The following SUGP2 variants were observed in gnomAD, a reference collection of about 807,000 sequenced individuals.
SUGP2 encodes SURP and G-patch domain containing 2, also known as SURP and G-patch domain-containing protein 2.
In SUGP2, 24 loss-of-function variants were observed where a neutral mutation model predicts 90.5. The observed-to-expected ratio is 0.27, with a 90% CI of 0.19 to 0.37. The LOEUF is 0.37. Among genes scored for constraint, SUGP2 ranks in the 10% least tolerant of loss-of-function variants. The probability of loss-of-function intolerance (pLI) is 1.00; values close to 1 mark genes in which losing one functional copy is unlikely to be tolerated. For synonymous variants in SUGP2, 473 were observed against 513.4 expected (o/e 0.92, Z 1.06); for missense variants, 1,233 against 1,363.3 (o/e 0.90, Z 1.51).
chr19:19,000,689 A>G, intron 8 of SUGP2, among the ~76,000 whole-genome samples: 1 of 150,864 alleles, frequency 6.6e-6, no homozygotes, highest in East Asian at 2.0e-4. Context: ...GGCGTGAATC[A>G]GTGCACCTGG....
chr19:19,013,509 C>T (rs1273136264), intron 4 of SUGP2, among the ~76,000 whole-genome samples: 1 of 152,108 alleles, frequency 6.6e-6, no homozygotes, highest in East Asian at 1.9e-4. Flanking sequence ...TATTTTGTAT[C>T]AATATCCAGA....
chr19:19,011,232 C>G (rs1045623411), intron 4 of SUGP2, among the ~76,000 whole-genome samples: 1 of 151,834 alleles, frequency 6.6e-6, no homozygotes, highest in East Asian at 1.9e-4. Flanking sequence ...ACCGCAGCCT[C>G]GACCTTCTGG....
chr19:18,994,459 C>T lies in SUGP2; in HGVS notation c.3156G>A (p.Leu1052=). ...CTTTGTGCTCCTGCCCGTCAGCACC[C>T]AACCCTTCCCCTTCCGAGGGGGTTC... ...SVGTPSEGEG[L]GADGQEHKED... The change falls in exon 10 of 11, where the codon TTG becomes TTA. Residue 1052 remains leucine, a synonymous_variant. Transcript: ENST00000452918. The T allele has an allele frequency of 6.2e-7, 1 of 1,614,192 alleles. No homozygotes were observed. Among genetic ancestry groups the T allele is most frequent in the East Asian group, 2.2e-5 (1 of 44,874 alleles).
chr19:19,007,826 C>A (rs1438126470), intron 6 of SUGP2, among the ~76,000 whole-genome samples: 2 of 141,428 alleles, frequency 1.4e-5, no homozygotes, highest in Non-Finnish European at 3.0e-5. Flanking sequence ...GTGGCTCAAT[C>A]TCAGCTCACT....
intron 8 of SUGP2, among the ~76,000 whole-genome samples, chr19:18,997,782 C>CAAAAAAAAA (rs35875282): frequency 2.2e-4 from 19 of 88,162 alleles, no homozygotes; most frequent in South Asian, 4.2e-4. Flanking sequence ...GACTCCGTCT[C>CAAAAAAAAA]AAAAAAAAAA....
At chr19:19,008,279 AAAG>A in intron 6 of SUGP2, 35 bp downstream of exon 6, 1 of 1,509,054 alleles carries the variant, frequency 6.6e-7, no homozygotes, top group Non-Finnish European at 9.2e-7. Flanking sequence ...TCTCTCTGAG[AAAG>A]AAAAAGGTGT....
intron 6 of SUGP2, among the ~76,000 whole-genome samples, chr19:19,004,919 A>C (rs886173522): frequency 4.6e-5 from 7 of 152,208 alleles, no homozygotes; most frequent in Non-Finnish European, 8.8e-5. Context: ...GGGCTTGGGA[A>C]AATGCTGGAA....
At position 18,991,043 on chromosome 19, in the gene SUGP2, C is replaced by G. The variant is rs1478659389; in HGVS notation, c.*2698G>C. The G allele has an allele frequency of 6.6e-6, 1 of 152,144 alleles. No homozygotes were observed. The highest frequency in any genetic ancestry group is 1.5e-5 in the Non-Finnish European group (1 of 68,044). 9.4% of individuals were successfully genotyped at this position (152,144 alleles called of 1,614,324 possible). On this transcript the variant is annotated 3_prime_UTR_variant, in exon 11 of 11. Transcript: ENST00000452918. ...ATCAAGGACCAAAAACACTACAATT[C>G]TCTAAGTGATTTCCAGTGATGGAAA...
intron 2 of SUGP2, among the ~76,000 whole-genome samples, chr19:19,030,105 G>A (rs549734198): frequency 6.6e-6 from 1 of 152,048 alleles, no homozygotes; most frequent in Non-Finnish European, 1.5e-5. Flanking sequence ...CTTGAGCCCA[G>A]GAGTTGCAGA....
chr19:19,033,572 G>A (rs1168229534), upstream of SUGP2: 10 of 1,232,376 alleles, frequency 8.1e-6, no homozygotes, highest in Admixed American at 1.8e-4. Flanking sequence ...GCAAGCCGCC[G>A]CCGAGTCCTG....
chr19:19,026,396 T>C (rs1202560451), intron 2 of SUGP2, among the ~76,000 whole-genome samples, 170 bp from the exon 3 acceptor site: 1 of 152,210 alleles, frequency 6.6e-6, no homozygotes, highest in Non-Finnish European at 1.5e-5. Context: ...AAAATGCGTG[T>C]GGTGTCACTT....
At chr19:18,995,733 C>A (rs2057549523) in intron 8 of SUGP2, among the ~76,000 whole-genome samples, 1 of 152,184 alleles carries the variant, frequency 6.6e-6, no homozygotes, top group South Asian at 2.1e-4. Flanking sequence ...GCAGCACCCT[C>A]CCTGAACCAC....
At chr19:19,008,511 T>A (rs2058175743) in intron 5 of SUGP2, 83 bp from the exon 6 acceptor site, 3 of 1,105,032 alleles carry the variant, frequency 2.7e-6, no homozygotes, top group Non-Finnish European at 4.2e-6. Context: ...GGAGGCTGAT[T>A]ATAAAGATGG....
In SUGP2 at chr19:19,019,225, G is replaced by T; in HGVS notation, c.1734C>A (p.Val578=). The change falls in exon 4 of 11, where the codon GTC becomes GTA. Residue 578 remains valine (V), a synonymous_variant. Coordinates refer to ENST00000452918, the MANE Select transcript of SUGP2 (RefSeq NM_001017392.5). ...CTACCCTGTGATCTGCTCGCTGGGG[G>T]ACAGCTGGAACACACAGAACAGCTT... ...AKAPSSLSDA[V]PQRADHRVVG... 6.2e-7 allele frequency: 1 copy of T among 1,612,902 alleles called. No homozygotes were observed. The highest frequency in any genetic ancestry group is 1.3e-5 in the African/African-American group (1 of 75,040).
chr19:19,027,063 T>C (rs973606045), intron 2 of SUGP2, among the ~76,000 whole-genome samples: 1 of 152,158 alleles, frequency 6.6e-6, no homozygotes, highest in African/African-American at 2.4e-5. Context: ...GAGGATCACT[T>C]GAGCCCAGGA....
At chr19:19,023,289 C>T (rs962827089) in intron 3 of SUGP2, among the ~76,000 whole-genome samples, 40 of 152,166 alleles carry the variant, frequency 2.6e-4, no homozygotes, top group African/African-American at 7.2e-4. Context: ...TCTCCTGTGT[C>T]GCTTTAATTC....
rs555070394 is a variant in SUGP2 at position 19,011,478 on chromosome 19, C to G, written c.1851-1136G>C. ...TTTCTAATAAAGTCACCTGAAGTCA[C>G]TCTTTCTCTTAAGTATTTTTATGAC... On this transcript the variant is annotated intron_variant, in intron 4 of 10. Transcript: ENST00000452918. 1.5e-4 allele frequency among the ~76,000 whole-genome samples: 23 copies of G among 152,254 alleles called. No homozygotes were observed. In the South Asian group the frequency reaches 4.8e-3, roughly 32 times the overall value.
chr19:19,015,043 T>C (rs1369729941), intron 4 of SUGP2, among the ~76,000 whole-genome samples: 1 of 150,814 alleles, frequency 6.6e-6, no homozygotes, highest in Non-Finnish European at 1.5e-5. Context: ...CTACTAAAAA[T>C]ACAAAAAAAT....
intron 1 of SUGP2, 171 bp downstream of exon 1, chr19:19,033,266 G>A (rs1344394941): frequency 1.4e-6 from 1 of 705,752 alleles, no homozygotes; most frequent in Non-Finnish European, 1.8e-6. Context: ...CGCCGGGCCC[G>A]GGAGGCCGCA....
Sources: allele counts gnomAD v4.1 joint callset (sites outside exome capture counted in the v4.1 genomes callset), GRCh38; gene constraint gnomAD v4.1.1; transcripts MANE v1.5; gene names NCBI Gene and HGNC (gene_info 2026-07-23, HGNC 2026-07-21).